The following NKAIN3 variants were observed in gnomAD, a reference collection of about 807,000 sequenced individuals.
NKAIN3 encodes the protein sodium/potassium-transporting ATPase subunit beta-1-interacting protein 3.
Under a neutral mutation model 30.2 loss-of-function variants are expected in NKAIN3, and 25 were observed. That is an observed-to-expected ratio of 0.83 (90% CI 0.60 to 1.16). NKAIN3 has a LOEUF of 1.16. NKAIN3 is among the 50% of genes most tolerant of loss of function. The pLI is 0.00. For synonymous variants in NKAIN3, 91 were observed against 89.6 expected, an observed-to-expected ratio of 1.02 and a Z score of -0.09; for missense variants, 225 against 254.1, an observed-to-expected ratio of 0.89 and a Z score of 0.78.
intron 1 of NKAIN3, among the ~76,000 whole-genome samples, chr8:62,395,324 C>T (rs1323548048): frequency 6.6e-6 from 1 of 151,136 alleles, no homozygotes; most frequent in Non-Finnish European, 1.5e-5. Context: ...GGTGGGGCGG[C>T]CGGGCAGAGG....
At chr8:62,675,075 T>C (rs959396778) in intron 3 of NKAIN3, among the ~76,000 whole-genome samples, 1 of 152,200 alleles carries the variant, frequency 6.6e-6, no homozygotes, top group African/African-American at 2.4e-5. Context: ...GTTAATTATA[T>C]TTTTCATGTT....
chr8:62,558,423 T>A (rs1409671340), intron 1 of NKAIN3, among the ~76,000 whole-genome samples: 2 of 152,066 alleles, frequency 1.3e-5, no homozygotes, highest in East Asian at 1.9e-4. Flanking sequence ...ATTTTAGGAT[T>A]TCTTTTTCTA....
At chr8:62,848,787 T>C (rs937611014) in intron 4 of NKAIN3, among the ~76,000 whole-genome samples, 4 of 152,182 alleles carry the variant, frequency 2.6e-5, no homozygotes, top group African/African-American at 7.2e-5. Context: ...CCATTCACTA[T>C]GGACTGTGGG....
At position 62,966,502 on chromosome 8, in the gene NKAIN3, T is replaced by C. The variant is rs367798597; in HGVS notation, c.*1095T>C. On this transcript the variant is annotated 3_prime_UTR_variant, in exon 7 of 7. Transcript: ENST00000623646. Reference sequence around the variant, plus strand: ...GTACGATTTGATTAGTTTTGAAAAATGTACATACCCATGTAACCAAGGCCT... The same window carrying C: ...GTACGATTTGATTAGTTTTGAAAAACGTACATACCCATGTAACCAAGGCCT... 1.8e-6 allele frequency: 1 copy of C among 558,544 alleles called. No individual in the cohort carries two copies. Among genetic ancestry groups the C allele is most frequent in the Admixed American group, 6.4e-5 (1 of 15,748 alleles). The allele number at this position is 558,544 out of a possible 1,614,324, so 34.6% of individuals were successfully genotyped here. A position where few individuals can be genotyped will look rare whatever the true frequency, so the allele number is the denominator to read the frequency against.
intron 3 of NKAIN3, among the ~76,000 whole-genome samples, chr8:62,682,056 G>A (rs920865539): frequency 2.6e-5 from 4 of 152,116 alleles, no homozygotes; most frequent in Non-Finnish European, 5.9e-5. Context: ...TTTGCTCCAA[G>A]AACTACTGCA....
At chr8:62,831,474 C>T (rs1271788387) in intron 4 of NKAIN3, among the ~76,000 whole-genome samples, 2 of 151,938 alleles carry the variant, frequency 1.3e-5, no homozygotes, top group Non-Finnish European at 2.9e-5. Flanking sequence ...GAAATCAAAA[C>T]AAAGAAACTT....
intron 4 of NKAIN3, among the ~76,000 whole-genome samples, chr8:62,900,151 A>G (rs766970157): frequency 3.9e-5 from 6 of 152,194 alleles, no homozygotes; most frequent in Non-Finnish European, 8.8e-5. Flanking sequence ...AAAAGTTACA[A>G]TAAGGCCAAA....
chr8:62,328,468 GGTTA>G (rs1815220856), intron 1 of NKAIN3, among the ~76,000 whole-genome samples: 1 of 151,870 alleles, frequency 6.6e-6, no homozygotes, highest in Non-Finnish European at 1.5e-5. Flanking sequence ...AAATTTGTTT[GGTTA>G]GTTTTTTTTC....
chr8:62,774,118 G>T (rs370018718), intron 4 of NKAIN3, among the ~76,000 whole-genome samples: 1 of 151,996 alleles, frequency 6.6e-6, no homozygotes, highest in Non-Finnish European at 1.5e-5. Context: ...AGACCTCTTT[G>T]ATTTCTTTGG....
chr8:62,516,979 G>A (rs1044468682), intron 1 of NKAIN3, among the ~76,000 whole-genome samples: 16 of 152,010 alleles, frequency 1.1e-4, no homozygotes, highest in Admixed American at 8.5e-4. Context: ...CCAGACATCC[G>A]ATTATAAATC....
At chr8:62,677,307 G>A (rs549499688) in intron 3 of NKAIN3, among the ~76,000 whole-genome samples, 4 of 152,164 alleles carry the variant, frequency 2.6e-5, no homozygotes, top group East Asian at 1.9e-4. Flanking sequence ...TGCCATCCTC[G>A]GTGAACTCTT....
intron 1 of NKAIN3, among the ~76,000 whole-genome samples, chr8:62,460,460 T>C (rs762072187): frequency 1.6e-4 from 24 of 151,166 alleles, no homozygotes; most frequent in Non-Finnish European, 2.9e-4. Flanking sequence ...CAGAATAAAC[T>C]TGTTTGGAAG....
intron 4 of NKAIN3, among the ~76,000 whole-genome samples, chr8:62,830,957 C>G (rs915199477): frequency 1.3e-5 from 2 of 152,180 alleles, no homozygotes; most frequent in African/African-American, 4.8e-5. Flanking sequence ...CAGGGATGAG[C>G]AAGAAGCTCA....
chr8:62,762,303 C>G (rs1171050410), intron 4 of NKAIN3, among the ~76,000 whole-genome samples: 1 of 134,364 alleles, frequency 7.4e-6, no homozygotes, highest in Non-Finnish European at 1.6e-5. Context: ...GCAACAAGAG[C>G]AAAACTCTGT....
At chr8:62,759,525 T>C (rs1403863179) in intron 4 of NKAIN3, among the ~76,000 whole-genome samples, 1 of 152,112 alleles carries the variant, frequency 6.6e-6, no homozygotes, top group African/African-American at 2.4e-5. Flanking sequence ...ATGAAGAATG[T>C]GGAACTAGAG....
At chr8:62,370,241 G>A (rs945251000) in intron 1 of NKAIN3, among the ~76,000 whole-genome samples, 2 of 151,952 alleles carry the variant, frequency 1.3e-5, no homozygotes, top group African/African-American at 4.8e-5. Flanking sequence ...TTAAAAAAAT[G>A]TATAATTTCT....
At chr8:62,767,226 A>G (rs995293546) in intron 4 of NKAIN3, among the ~76,000 whole-genome samples, 4 of 152,200 alleles carry the variant, frequency 2.6e-5, no homozygotes, top group Non-Finnish European at 4.4e-5. Context: ...ATTGTCAGTC[A>G]GCATATTTCT....
chr8:62,848,523 T>A (rs1011334077), intron 4 of NKAIN3, among the ~76,000 whole-genome samples: 3 of 152,182 alleles, frequency 2.0e-5, no homozygotes, highest in Non-Finnish European at 4.4e-5. Context: ...TGATTTTGTA[T>A]CCTATGACTT....
intron 4 of NKAIN3, among the ~76,000 whole-genome samples, chr8:62,869,137 A>C (rs970385144): frequency 1.3e-5 from 2 of 152,180 alleles, no homozygotes; most frequent in Non-Finnish European, 2.9e-5. Context: ...AAGAAAAGGC[A>C]TTTGTAACTT....
Sources: allele counts gnomAD v4.1 joint callset (sites outside exome capture counted in the v4.1 genomes callset), GRCh38; gene constraint gnomAD v4.1.1; transcripts MANE v1.5; gene names NCBI Gene and HGNC (gene_info 2026-07-23, HGNC 2026-07-21).